Variants in NAV2 observed in about 807,000 individuals in gnomAD.
NAV2 encodes the protein neuron navigator 2.
NAV2 carries 54 observed loss-of-function variants against 223.2 expected under a neutral mutation model. The observed-to-expected ratio is 0.24, with a 90% CI of 0.19 to 0.30. The LOEUF (loss-of-function observed/expected upper bound fraction) is 0.30. NAV2 is among the 10% of genes least tolerant of loss of function. The pLI is 1.00. For synonymous variants in NAV2, 1,279 were observed against 1,239.3 expected (o/e 1.03, Z -0.67); for missense variants, 2,806 against 3,147.5 (o/e 0.89, Z 2.60).
intron 20 of NAV2, 65 bp downstream of exon 20, chr11:20,062,424 C>T (rs1697479060): frequency 8.0e-7 from 1 of 1,255,756 alleles, no homozygotes; most frequent in African/African-American, 1.5e-5. Context: ...TCAAATGTGT[C>T]AAGAATAAAA....
At chr11:19,687,616 A>G (rs2152249153) in intron 1 of NAV2, among the ~76,000 whole-genome samples, 1 of 152,316 alleles carries the variant, frequency 6.6e-6, no homozygotes, top group Non-Finnish European at 1.5e-5. Context: ...TTATCCTTTC[A>G]TCTCCAGGGA....
At chr11:19,887,647 TG>T (rs1288081148) in intron 5 of NAV2, among the ~76,000 whole-genome samples, 1 of 152,200 alleles carries the variant, frequency 6.6e-6, no homozygotes, top group African/African-American at 2.4e-5. Context: ...TGGGTTCATC[TG>T]GGTCAGGTAA....
intron 1 of NAV2, among the ~76,000 whole-genome samples, chr11:19,656,079 C>T (rs968595634): frequency 5.9e-5 from 9 of 152,076 alleles, no homozygotes; most frequent in African/African-American, 1.7e-4. Flanking sequence ...AAAACCTTTC[C>T]GTGAAGGGGC....
intron 1 of NAV2, among the ~76,000 whole-genome samples, chr11:19,728,813 A>G (rs970949701): frequency 6.6e-6 from 1 of 152,228 alleles, no homozygotes; most frequent in African/African-American, 2.4e-5. Flanking sequence ...GCAGAACTCA[A>G]TCAAGAAATG....
At position 19,378,744 on chromosome 11, in the gene NAV2, G is replaced by GA. The variant is rs944823497; in HGVS notation, c.75+27719dup. On this transcript the variant is annotated intron_variant, in intron 1 of 37. Transcript: ENST00000360655. ...CCTTCTTTGATTGTCTCCTCTGAAA[G>GA]AATAGCTGATCAGCACACACACCTT... Among the ~76,000 whole-genome samples, 11 of 152,252 alleles carry GA rather than the reference G, an allele frequency of 7.2e-5. No homozygotes were observed. In the East Asian group the frequency reaches 1.7e-3, roughly 24 times the overall value.
At chr11:19,971,522 C>G (rs1384637197) in intron 10 of NAV2, among the ~76,000 whole-genome samples, 2 of 152,128 alleles carry the variant, frequency 1.3e-5, no homozygotes, top group African/African-American at 4.8e-5. Flanking sequence ...CGGTAACACC[C>G]CAGCCACACA....
chr11:19,816,022 AC>A (rs2059073735), intron 1 of NAV2, among the ~76,000 whole-genome samples: 1 of 152,110 alleles, frequency 6.6e-6, no homozygotes, highest in Non-Finnish European at 1.5e-5. Flanking sequence ...TAGAGGAGAC[AC>A]CCCTTCTTTC....
At chr11:19,751,276 G>A (rs551265979) in intron 1 of NAV2, among the ~76,000 whole-genome samples, 34 of 152,264 alleles carry the variant, frequency 2.2e-4, no homozygotes, top group Admixed American at 1.9e-3. Flanking sequence ...CGGAGTCTGA[G>A]CTCTTAACCA....
chr11:19,390,732 C>T (rs749461003), intron 1 of NAV2, among the ~76,000 whole-genome samples: 19 of 152,154 alleles, frequency 1.2e-4, no homozygotes, highest in Non-Finnish European at 2.6e-4. Context: ...GAAGGCTTCT[C>T]TTGGGACATG....
At chr11:19,352,093 T>C (rs556726869) in intron 1 of NAV2, among the ~76,000 whole-genome samples, 3 of 152,254 alleles carry the variant, frequency 2.0e-5, no homozygotes, top group Admixed American at 2.0e-4. Flanking sequence ...ATTGACTCCA[T>C]TCCTAACAAA....
chr11:19,447,748 G>A (rs754676983), intron 1 of NAV2, among the ~76,000 whole-genome samples: 4 of 152,138 alleles, frequency 2.6e-5, no homozygotes, highest in Admixed American at 6.5e-5. Context: ...TTTCTGGACC[G>A]GGTAGAACTG....
chr11:19,909,685 G>C (rs555091308), intron 6 of NAV2, among the ~76,000 whole-genome samples: 8 of 152,242 alleles, frequency 5.3e-5, no homozygotes, highest in Middle Eastern at 3.4e-3. Flanking sequence ...TTCTTCAGGA[G>C]CAAGCTTGGT....
intron 3 of NAV2, among the ~76,000 whole-genome samples, chr11:19,859,825 AC>A (rs1444211952): frequency 2.7e-5 from 1 of 36,372 alleles, no homozygotes; most frequent in South Asian, 9.7e-4. Context: ...GGGGCTGACC[AC>A]CCCCAACTCC....
At chr11:20,029,060 GA>G (rs1296932902) in intron 11 of NAV2, among the ~76,000 whole-genome samples, 1 of 152,222 alleles carries the variant, frequency 6.6e-6, no homozygotes, top group African/African-American at 2.4e-5. Context: ...CCAGACATTA[GA>G]AAATGGAGTT....
chr11:19,877,565 C>T (rs372352476), intron 4 of NAV2, among the ~76,000 whole-genome samples: 8 of 146,128 alleles, frequency 5.5e-5, no homozygotes, highest in South Asian at 4.4e-4. Context: ...CTCCGCCTCC[C>T]GGGTTCATGC....
At chr11:19,840,726 G>C (rs2060467871) in intron 2 of NAV2, among the ~76,000 whole-genome samples, 1 of 152,080 alleles carries the variant, frequency 6.6e-6, no homozygotes, top group African/African-American at 2.4e-5. Context: ...ATAAATGGAA[G>C]GATAGCTGCC....
At chr11:19,487,702 C>T (rs560281003) in intron 1 of NAV2, among the ~76,000 whole-genome samples, 3 of 152,276 alleles carry the variant, frequency 2.0e-5, no homozygotes, top group Admixed American at 2.0e-4. Flanking sequence ...TGATTCATGC[C>T]AACAACCATG....
At position 20,055,092 on chromosome 11, in the gene NAV2, A is replaced by G. The variant is rs139500169; in HGVS notation, c.4643-677A>G. Among the ~76,000 whole-genome samples, 38 of 152,342 alleles carry G rather than the reference A, an allele frequency of 2.5e-4. No individual in the cohort carries two copies. In the East Asian group the frequency reaches 7.3e-3, roughly 29 times the overall value. The stretch of plus-strand genomic sequence containing the variant: ...ATCTCATCTCACTCTTTAGAGAGGC[A>G]GGCTTTTCTGAATATAGTGAATAAC... On this transcript the variant is annotated intron_variant, in intron 18 of 37. Transcript: ENST00000349880.
intron 1 of NAV2, among the ~76,000 whole-genome samples, chr11:19,666,236 C>A (rs1590059239): frequency 1.3e-5 from 2 of 152,228 alleles, no homozygotes; most frequent in Non-Finnish European, 2.9e-5. Flanking sequence ...AGTTTCTTCA[C>A]CGGCCAGACC....
Sources: gnomAD v4.1 joint callset for allele counts (sites outside exome capture counted in the v4.1 genomes callset) on GRCh38, gnomAD v4.1.1 for gene constraint, MANE v1.5 for transcripts, NCBI Gene and HGNC (gene_info 2026-07-23, HGNC 2026-07-21) for gene names.